GBF1: variants seen among roughly 807,000 people sequenced by gnomAD.
GBF1 encodes golgi brefeldin A resistant guanine nucleotide exchange factor 1, also known as Golgi-specific brefeldin A-resistance guanine nucleotide exchange factor 1.
A neutral mutation model predicts 210.5 loss-of-function variants in GBF1; 114 were observed. The ratio of observed to expected loss-of-function variants is 0.54; its 90% CI spans 0.47 to 0.63. The LOEUF (loss-of-function observed/expected upper bound fraction) is 0.63. GBF1 is among the 30% of genes least tolerant of loss of function. The pLI, the probability that GBF1 is intolerant of heterozygous loss-of-function variation, is 0.00. For synonymous variants in GBF1, 850 were observed against 889.2 expected, an observed-to-expected ratio of 0.96 and a Z score of 0.78; for missense variants, 1,851 against 2,357.7, an observed-to-expected ratio of 0.79 and a Z score of 4.45.
intron 3 of GBF1, among the ~76,000 whole-genome samples, chr10:102,313,775 G>A (rs2078691555): frequency 6.6e-6 from 1 of 152,134 alleles, no homozygotes; most frequent in African/African-American, 2.4e-5. Context: ...CATGGAGATC[G>A]AGTCTGAATA....
intron 3 of GBF1, among the ~76,000 whole-genome samples, chr10:102,332,486 C>T (rs1316334677): frequency 2.0e-5 from 3 of 151,688 alleles, no homozygotes; most frequent in Non-Finnish European, 2.9e-5. Flanking sequence ...CCGGCTCAAG[C>T]GATTCTCGTG....
chr10:102,370,669 C>T (rs1324326953), intron 28 of GBF1, 38 bp from the exon 29 acceptor site: 5 of 1,607,648 alleles, frequency 3.1e-6, no homozygotes, highest in Non-Finnish European at 4.3e-6. Context: ...AGTGGCCCCT[C>T]TGGCTGAGAC....
intron 3 of GBF1, among the ~76,000 whole-genome samples, chr10:102,289,702 G>C (rs1261145724): frequency 6.6e-6 from 1 of 152,116 alleles, no homozygotes; most frequent in African/African-American, 2.4e-5. Context: ...GTGTTTTTTT[G>C]ATGTAGGTTT....
chr10:102,375,888 T>C (rs2060468069), intron 30 of GBF1, among the ~76,000 whole-genome samples: 1 of 152,098 alleles, frequency 6.6e-6, no homozygotes, highest in South Asian at 2.1e-4. Flanking sequence ...CCCAGAATTC[T>C]GGGAAAATAG....
chr10:102,379,259 A>ATCCTGCCC (rs1432326171), intron 33 of GBF1, 25 bp from the exon 34 acceptor site: 1 of 1,607,874 alleles, frequency 6.2e-7, no homozygotes, highest in Non-Finnish European at 8.5e-7. Context: ...CCCCACTCAC[A>ATCCTGCCC]TCCTGCCCCC....
chr10:102,270,329 C>T (rs1462600960), intron 3 of GBF1, among the ~76,000 whole-genome samples: 1 of 151,876 alleles, frequency 6.6e-6, no homozygotes, highest in African/African-American at 2.4e-5. Flanking sequence ...GCCACCACGC[C>T]CAGCTAATTT....
chr10:102,332,387 CTT>C (rs60505127), intron 3 of GBF1, among the ~76,000 whole-genome samples: 3 of 143,178 alleles, frequency 2.1e-5, no homozygotes, highest in Non-Finnish European at 3.0e-5. Context: ...TGTAATTTGC[CTT>C]TTTTTTTTTT....
intron 1 of GBF1, among the ~76,000 whole-genome samples, chr10:102,256,960 C>T (rs2072481224): frequency 6.6e-6 from 1 of 152,106 alleles, no homozygotes; most frequent in Non-Finnish European, 1.5e-5. Context: ...ATTGCTTGAG[C>T]CCAAGAGTTC....
At chr10:102,253,949 A>G (rs2071976420) in intron 1 of GBF1, among the ~76,000 whole-genome samples, 1 of 152,142 alleles carries the variant, frequency 6.6e-6, no homozygotes, top group Non-Finnish European at 1.5e-5. Flanking sequence ...TATGTTTCCT[A>G]TTCTGTGAAA....
intron 7 of GBF1, among the ~76,000 whole-genome samples, chr10:102,352,724 G>T (rs2059076007): frequency 6.6e-6 from 1 of 152,160 alleles, no homozygotes; most frequent in Non-Finnish European, 1.5e-5. Flanking sequence ...GGGAGGCAGA[G>T]GGTTATTTAA....
At chr10:102,274,521 GCATCACAGACTGACCA>G (rs1217890829) in intron 3 of GBF1, among the ~76,000 whole-genome samples, 2 of 151,754 alleles carry the variant, frequency 1.3e-5, no homozygotes, top group African/African-American at 2.4e-5. Flanking sequence ...ATCAGTCTGT[GCATCACAGACTGACCA>G]CATCACAGAC....
At chr10:102,332,794 A>T (rs1433659307) in intron 3 of GBF1, among the ~76,000 whole-genome samples, 3 of 152,180 alleles carry the variant, frequency 2.0e-5, no homozygotes, top group African/African-American at 7.2e-5. Context: ...TTAAGCCATA[A>T]TCATACTTTG....
At position 102,323,562 on chromosome 10, in the gene GBF1, CT is replaced by C. The variant is rs1192603021; in HGVS notation, c.164-20481del. On this transcript the variant is annotated intron_variant, in intron 3 of 39. Coordinates refer to ENST00000369983, the MANE Select transcript of GBF1 (RefSeq NM_001377137.1). ...CTAAGTTCTTTTAAGCATGTTTGCA[CT>C]TTTTTTTCTGTCTTTTTTTTTTTTT... 4.7e-5 allele frequency among the ~76,000 whole-genome samples: 7 copies of C among 149,260 alleles called. No homozygotes were observed. In the East Asian group the frequency reaches 7.8e-4, roughly 17 times the overall value.
chr10:102,237,451 A>C, the GBF1 span, among the ~76,000 whole-genome samples: 1 of 152,100 alleles, frequency 6.6e-6, no homozygotes. Flanking sequence ...CTGCAGAGAG[A>C]AACGAGTCAA....
chr10:102,357,755 C>A (rs1245192418), intron 8 of GBF1, among the ~76,000 whole-genome samples: 1 of 152,068 alleles, frequency 6.6e-6, no homozygotes, highest in Non-Finnish European at 1.5e-5. Flanking sequence ...CACTCAGGAC[C>A]CAGAGAAGCA....
At position 102,363,879 on chromosome 10, in the gene GBF1, G is replaced by T; in HGVS notation, c.2106+81G>T. 1.2e-6 allele frequency: 1 copy of T among 860,244 alleles called. No individual in the cohort carries two copies. The highest frequency in any genetic ancestry group is 1.9e-5 in the Admixed American group (1 of 52,920). 53.3% of individuals were successfully genotyped at this position (860,244 alleles called of 1,614,324 possible). A position where few individuals can be genotyped will look rare whatever the true frequency, so the allele number is the denominator to read the frequency against. On this transcript the variant is annotated intron_variant, in intron 17 of 39. Transcript: ENST00000369983. The surrounding 1 kb of genome is among the most constrained non-coding windows in gnomAD (Gnocchi z 4.2). ...TAGGGTTTCCATCTCAGAAGATGAA[G>T]GAGAGTCTAGCACCTCATTGTACAG...
intron 1 of GBF1, among the ~76,000 whole-genome samples, chr10:102,252,050 G>T (rs964941050): frequency 2.6e-5 from 4 of 151,632 alleles, no homozygotes; most frequent in Non-Finnish European, 5.9e-5. Flanking sequence ...TAAAAAAGTG[G>T]AAAAAAGGGC....
chr10:102,306,147 A>AT (rs2077848083), intron 3 of GBF1, among the ~76,000 whole-genome samples: 5 of 152,340 alleles, frequency 3.3e-5, no homozygotes, highest in Admixed American at 2.6e-4. Context: ...TAGGTAAGTG[A>AT]TTTTACCTCT....
chr10:102,253,155 A>T (rs2071822605), intron 1 of GBF1, among the ~76,000 whole-genome samples: 1 of 152,170 alleles, frequency 6.6e-6, no homozygotes, highest in African/African-American at 2.4e-5. Flanking sequence ...TTGGCCTCCC[A>T]AAGTGCTGGG....
Sources: allele counts gnomAD v4.1 joint callset (sites outside exome capture counted in the v4.1 genomes callset), GRCh38; gene constraint gnomAD v4.1.1; non-coding constraint Gnocchi (gnomAD v3.1); transcripts MANE v1.5; gene names NCBI Gene and HGNC (gene_info 2026-07-23, HGNC 2026-07-21).